Variants in OTUD3 observed in about 807,000 individuals in gnomAD.
OTUD3 encodes the protein OTU domain-containing protein 3.
OTUD3 carries 24 observed loss-of-function variants against 46.2 expected under a neutral mutation model. The observed-to-expected ratio is 0.52, with a 90% confidence interval of 0.38 to 0.73. OTUD3 has a LOEUF of 0.73. Ranked by LOEUF, OTUD3 falls within the 30% of genes least tolerant of loss-of-function variation. The probability of loss-of-function intolerance (pLI) is 0.00; values close to 1 mark genes in which losing one functional copy is unlikely to be tolerated. For missense variants in OTUD3, 455 were observed against 523.3 expected (o/e 0.87, Z 1.27); for synonymous variants, 189 against 195.4 (o/e 0.97, Z 0.27).
intron 4 of OTUD3, among the ~76,000 whole-genome samples, chr1:19,903,403 T>C (rs1400786945): frequency 2.0e-5 from 3 of 152,148 alleles, no homozygotes; most frequent in African/African-American, 7.2e-5. Context: ...ATTTCAAAAC[T>C]GTGAAACTAC....
chr1:19,904,403 G>A lies in OTUD3; in HGVS notation c.738+5G>A. 6.2e-7 allele frequency: 1 copy of A among 1,606,026 alleles called. No individual in the cohort carries two copies. The highest frequency in any genetic ancestry group is 8.5e-7 in the Non-Finnish European group (1 of 1,177,492). On this transcript the variant is annotated splice_donor_5th_base_variant and intron_variant, in intron 5 of 7. Transcript: ENST00000375120. ...TGTAATGCAACTGGATGTTCAGTTA[G>A]TATTTCTGTCTTGCAGGAATGATTT...
chr1:19,892,825 C>T (rs2045466490), intron 2 of OTUD3, among the ~76,000 whole-genome samples: 1 of 152,176 alleles, frequency 6.6e-6, no homozygotes, highest in Non-Finnish European at 1.5e-5. Flanking sequence ...TGTTTTTCCT[C>T]TGTATAAAAG....
chr1:19,901,406 A>G (rs2045587672), intron 4 of OTUD3, among the ~76,000 whole-genome samples: 1 of 152,160 alleles, frequency 6.6e-6, no homozygotes, highest in Non-Finnish European at 1.5e-5. Flanking sequence ...TGTCTATTGT[A>G]AAGAGATCTT....
intron 4 of OTUD3, among the ~76,000 whole-genome samples, chr1:19,898,029 A>C (rs2045539819): frequency 6.7e-6 from 1 of 150,084 alleles, no homozygotes; most frequent in Non-Finnish European, 1.5e-5. Context: ...GGCTCACCCA[A>C]CCTCCGCCTC....
chr1:19,892,411 T>G (rs2045458995), intron 2 of OTUD3, among the ~76,000 whole-genome samples: 1 of 152,140 alleles, frequency 6.6e-6, no homozygotes, highest in African/African-American at 2.4e-5. Flanking sequence ...GTGTCTTTGT[T>G]TTGCGGTGTG....
chr1:19,894,402 C>A lies in OTUD3; in HGVS notation c.405C>A (p.Gly135=). The part of the protein sequence containing the change: ...ASLAKPGTFA[G]NDAIVAFARN... Reference sequence around the variant, plus strand: ...TGGCAAAGCCTGGTACTTTTGCTGGCAATGATGCAATTGTAGCCTTTGCAA... The same window carrying A: ...TGGCAAAGCCTGGTACTTTTGCTGGAAATGATGCAATTGTAGCCTTTGCAA... Residue 135 remains glycine, a synonymous_variant, in exon 3 of 8, where the codon GGC becomes GGA. Coordinates refer to ENST00000375120, the MANE Select transcript of OTUD3 (RefSeq NM_015207.2). The A allele has an allele frequency of 6.2e-7, 1 of 1,609,450 alleles. No individual in the cohort carries two copies. The highest frequency in any genetic ancestry group is 8.5e-7 in the Non-Finnish European group (1 of 1,177,566).
At position 19,882,573 on chromosome 1, in the gene OTUD3, C is replaced by A; in HGVS notation, c.60C>A (p.Ala20=). The part of the protein sequence containing the change: ...RPGSGSRKAE[A]ERKRDERAAR... ...GCAGCGGCAGCCGGAAAGCCGAGGC[C>A]GAGCGCAAGCGGGACGAGCGGGCGG... The change falls in exon 1 of 8, where the codon GCC becomes GCA. Residue 20 remains alanine (A), a synonymous_variant. Coordinates refer to ENST00000375120, the MANE Select transcript of OTUD3 (RefSeq NM_015207.2). The A allele has an allele frequency of 2.9e-6, 4 of 1,392,238 alleles. No homozygotes were observed. The highest frequency in any genetic ancestry group is 3.7e-6 in the Non-Finnish European group (4 of 1,079,634). 86.2% of individuals were successfully genotyped at this position (1,392,238 alleles called of 1,614,324 possible). A position where few individuals can be genotyped will look rare whatever the true frequency, so the allele number is the denominator to read the frequency against.
In OTUD3 at chr1:19,912,336, G is replaced by T. The variant is rs148361581; in HGVS notation, c.*4590G>T. 2.0e-5 allele frequency: 3 copies of T among 152,358 alleles called. No homozygotes were observed. Among genetic ancestry groups the T allele is most frequent in the South Asian group, 2.1e-4 (1 of 4,826 alleles). 9.4% of individuals were successfully genotyped at this position (152,358 alleles called of 1,614,324 possible). A position where few individuals can be genotyped will look rare whatever the true frequency, so the allele number is the denominator to read the frequency against. ...CTGGCAGGTCCCTCGAGCAGTACTGGTAAGAGGCTTCACACATTTTCCCAC... is the reference window on the plus strand; with the variant it reads ...CTGGCAGGTCCCTCGAGCAGTACTGTTAAGAGGCTTCACACATTTTCCCAC... On this transcript the variant is annotated 3_prime_UTR_variant, in exon 8 of 8. Coordinates refer to ENST00000375120, the MANE Select transcript of OTUD3 (RefSeq NM_015207.2).
chr1:19,897,599 G>C lies in OTUD3; in HGVS notation c.543G>C (p.Glu181Asp). 1 of 1,614,054 alleles carries C rather than the reference G, an allele frequency of 6.2e-7. No homozygotes were observed. The highest frequency in any genetic ancestry group is 8.5e-7 in the Non-Finnish European group (1 of 1,179,922). Residue 181 changes from glutamate (E) to aspartate (D), a missense_variant, in exon 4 of 8, where the codon GAG (glutamate) becomes GAC (aspartate). By Grantham distance (45) the Glu-to-Asp change is conservative. Transcript: ENST00000375120. ...RELHIAYRYG[E>D]HYDSVRRIND... is the part of the protein sequence containing the mutation. Reference sequence around the variant, plus strand: ...TACACATCGCATATCGGTATGGAGAGCACTACGACAGTGTTCGGAGGATCA... The same window carrying C: ...TACACATCGCATATCGGTATGGAGACCACTACGACAGTGTTCGGAGGATCA...
At chr1:19,902,646 T>C (rs948366554) in intron 4 of OTUD3, among the ~76,000 whole-genome samples, 1 of 152,204 alleles carries the variant, frequency 6.6e-6, no homozygotes, top group Non-Finnish European at 1.5e-5. Flanking sequence ...TTCTGCCTTT[T>C]TGAGTTGTAA....
At chr1:19,897,947 C>CTT (rs535971585) in intron 4 of OTUD3, 102 of 161,562 alleles carry the variant, frequency 6.3e-4, no homozygotes, top group Non-Finnish European at 9.6e-4. Context: ...TAATCCACAC[C>CTT]TTTTTTTTTT....
At position 19,907,661 on chromosome 1, in the gene OTUD3, G is replaced by T. The variant is rs758864460; in HGVS notation, c.1112G>T (p.Gly371Val). 1.2e-4 allele frequency: 201 copies of T among 1,613,758 alleles called. No individual in the cohort carries two copies. Among genetic ancestry groups the T allele is most frequent in the Non-Finnish European group, 1.7e-4 (197 of 1,179,996 alleles). Reference protein sequence around the residue: ...RHRHKALESRGSHRDNNRSEA... With the variant: ...RHRHKALESRVSHRDNNRSEA... Reference sequence around the variant, plus strand: ...CGCCACAAAGCCCTGGAGAGCAGAGGTAGCCACAGGGACAATAACAGAAGC... The same window carrying T: ...CGCCACAAAGCCCTGGAGAGCAGAGTTAGCCACAGGGACAATAACAGAAGC... Residue 371 changes from glycine (G) to valine (V), a missense_variant, in exon 8 of 8, where the codon GGT becomes GTT. Coordinates refer to ENST00000375120, the MANE Select transcript of OTUD3 (RefSeq NM_015207.2).
In OTUD3 at chr1:19,906,433, T is replaced by A. The variant is rs1489042204; in HGVS notation, c.837T>A (p.Asn279Lys). The A allele has an allele frequency of 6.2e-7, 1 of 1,613,688 alleles. No homozygotes were observed. The highest frequency in any genetic ancestry group is 2.2e-5 in the East Asian group (1 of 44,872). ...TAATGAAATGTCTTTCTTTGGAAGA[T>A]GCAGAAGAGAATCTTGAGCCCAGTG... ...VLRMNQGKRN[N>K]AEENLEPSGR... is the part of the protein sequence containing the mutation. The change falls in exon 7 of 8, where the codon AAT (asparagine) becomes AAA (lysine). Residue 279 changes from asparagine (N) to lysine (K), a missense_variant and splice_region_variant. Asn to Lys is a moderately conservative substitution (Grantham distance 94). Transcript: ENST00000375120.
chr1:19,899,473 G>A (rs745935140), intron 4 of OTUD3, among the ~76,000 whole-genome samples: 14 of 152,314 alleles, frequency 9.2e-5, no homozygotes, highest in Non-Finnish European at 1.8e-4. Context: ...TAAAGGCTGC[G>A]TAGTGTTCTG....
chr1:19,904,516 A>G (rs1024899884), intron 5 of OTUD3, 118 bp downstream of exon 5: 2 of 871,320 alleles, frequency 2.3e-6, no homozygotes, highest in Non-Finnish European at 3.6e-6. Flanking sequence ...AAATAGGCCC[A>G]TGAGATTTGT....
chr1:19,882,767 C>T, intron 1 of OTUD3, 33 bp downstream of exon 1: 1 of 1,277,624 alleles, frequency 7.8e-7, no homozygotes, highest in Non-Finnish European at 9.9e-7. Flanking sequence ...GAGGCGGCGC[C>T]GGGGGACGCG....
At position 19,882,560 on chromosome 1, in the gene OTUD3, G is replaced by C; in HGVS notation, c.47G>C (p.Arg16Pro). The C allele has an allele frequency of 7.3e-7, 1 of 1,367,094 alleles. No homozygotes were observed. The highest frequency in any genetic ancestry group is 9.4e-7 in the Non-Finnish European group (1 of 1,068,730). 84.7% of individuals were successfully genotyped at this position (1,367,094 alleles called of 1,614,324 possible). ...AAKSRPGSGS[R>P]KAEAERKRDE... ...AAGAGCCGGCCGGGCAGCGGCAGCC[G>C]GAAAGCCGAGGCCGAGCGCAAGCGG... Residue 16 changes from arginine (R) to proline (P), a missense_variant, in exon 1 of 8, where the codon CGG becomes CCG. Transcript: ENST00000375120.
intron 4 of OTUD3, among the ~76,000 whole-genome samples, chr1:19,901,002 CG>C (rs1557680074): frequency 6.7e-6 from 1 of 150,326 alleles, no homozygotes; most frequent in Non-Finnish European, 1.5e-5. Flanking sequence ...CTCTGCCTCC[CG>C]GGTTCAAGCG....
chr1:19,891,248 G>T (rs2045441980), intron 2 of OTUD3, among the ~76,000 whole-genome samples: 1 of 152,212 alleles, frequency 6.6e-6, no homozygotes, highest in Admixed American at 6.5e-5. Flanking sequence ...AATAGGCATA[G>T]ATCTTATAGA....
Sources: gnomAD v4.1 joint callset for allele counts (sites outside exome capture counted in the v4.1 genomes callset) on GRCh38, gnomAD v4.1.1 for gene constraint, MANE v1.5 for transcripts, NCBI Gene and HGNC (gene_info 2026-07-23, HGNC 2026-07-21) for gene names.